The following TNRC6C variants were observed in gnomAD, a reference collection of about 807,000 sequenced individuals.
The protein encoded by TNRC6C is trinucleotide repeat-containing gene 6C protein.
Under a neutral mutation model 153.7 loss-of-function variants are expected in TNRC6C, and 20 were observed. That is an observed-to-expected ratio of 0.13 (90% CI 0.09 to 0.19). The LOEUF (loss-of-function observed/expected upper bound fraction) is 0.19, where lower values mean the gene tolerates loss of function less well. Among genes scored for constraint, TNRC6C ranks in the 10% least tolerant of loss-of-function variants. The pLI, the probability that TNRC6C is intolerant of heterozygous loss-of-function variation, is 1.00. For synonymous variants in TNRC6C, 811 were observed against 841.4 expected, an observed-to-expected ratio of 0.96 and a Z score of 0.63; for missense variants, 1,987 against 2,172.0, an observed-to-expected ratio of 0.91 and a Z score of 1.69.
intron 1 of TNRC6C, among the ~76,000 whole-genome samples, chr17:77,989,433 CAT>C (rs2071218415): frequency 6.6e-6 from 1 of 152,160 alleles, no homozygotes; most frequent in Non-Finnish European, 1.5e-5. Context: ...AAGCAACTGT[CAT>C]ATACATTCAG....
chr17:77,973,209 A>G lies in TNRC6C; in HGVS notation c.-38+13941A>G, dbSNP rs140529744. On this transcript the variant is annotated intron_variant, in intron 1 of 22. Coordinates refer to the TNRC6C transcript ENST00000636222. ...GCGTGAGCCACTACGCCTGGGCAAT[A>G]CACCATATTAATAGATGAAGAACAA... 1.3e-3 allele frequency among the ~76,000 whole-genome samples: 197 copies of G among 152,186 alleles called. 1 individual carries two copies. The highest frequency in any genetic ancestry group is 4.5e-3 in the African/African-American group (187 of 41,556).
At chr17:78,045,773 C>A (rs1018719871) in intron 2 of TNRC6C, among the ~76,000 whole-genome samples, 2 of 151,964 alleles carry the variant, frequency 1.3e-5, no homozygotes, top group Non-Finnish European at 1.5e-5. Context: ...ACTGCTCTGC[C>A]GCCTGATTTG....
chr17:77,971,869 A>T (rs1356975483), intron 1 of TNRC6C, among the ~76,000 whole-genome samples: 2 of 36,934 alleles, frequency 5.4e-5, no homozygotes, highest in Non-Finnish European at 9.1e-5. Context: ...AAGTGAGTTA[A>T]AAAAAAAAAA....
At chr17:78,090,692 T>C (rs552096458) in intron 13 of TNRC6C, among the ~76,000 whole-genome samples, 5 of 152,328 alleles carry the variant, frequency 3.3e-5, no homozygotes, top group African/African-American at 1.2e-4. Context: ...AATAACCAGG[T>C]ACCTGCTTTT....
At chr17:77,996,618 A>C (rs954105108) in intron 1 of TNRC6C, among the ~76,000 whole-genome samples, 1 of 152,218 alleles carries the variant, frequency 6.6e-6, no homozygotes, top group Admixed American at 6.5e-5. Context: ...CCTGAACTCA[A>C]GAGGGCATAC....
intron 1 of TNRC6C, among the ~76,000 whole-genome samples, chr17:77,983,859 AG>A (rs561340463): frequency 1.6e-4 from 24 of 152,186 alleles, no homozygotes; most frequent in Non-Finnish European, 3.2e-4. Context: ...CTGAATTTTA[AG>A]GAGTAATTAA....
chr17:77,976,889 A>G (rs2071005644), intron 1 of TNRC6C, among the ~76,000 whole-genome samples: 1 of 128,940 alleles, frequency 7.8e-6, no homozygotes, highest in Admixed American at 9.7e-5. Context: ...AGATTGCACC[A>G]TTGCACTCCA....
chr17:78,041,760 C>T lies in TNRC6C; in HGVS notation c.-218-7085C>T, dbSNP rs16970760. ...TATCCTGCCCCTGAAAACCAAGCAG[C>T]GAAGGATTTGTGGTATCAGTAAGCC... On this transcript the variant is annotated intron_variant, in intron 2 of 19. Transcript: ENST00000301624. Among the ~76,000 whole-genome samples, 1,319 of 152,244 alleles carry T rather than the reference C, an allele frequency of 8.7e-3. 18 individuals carry two copies. The highest frequency in any genetic ancestry group is 0.03 in the African/African-American group (1,250 of 41,530).
chr17:78,106,559 AAAAAAG>A (rs1341337204), exon 20 of TNRC6C: 2 of 151,704 alleles, frequency 1.3e-5, no homozygotes, highest in African/African-American at 4.8e-5. Flanking sequence ...AAAAAATGAA[AAAAAAG>A]AAAAAGAGGA....
At chr17:78,046,224 C>T (rs1189111711) in intron 2 of TNRC6C, among the ~76,000 whole-genome samples, 1 of 151,510 alleles carries the variant, frequency 6.6e-6, no homozygotes, top group African/African-American at 2.4e-5. Flanking sequence ...CTGTGTTGCC[C>T]AGGCTGGAGT....
In TNRC6C at chr17:78,009,804, C is replaced by T. The variant is rs1281765489; in HGVS notation, c.-546+4725C>T. 2.0e-5 allele frequency among the ~76,000 whole-genome samples: 3 copies of T among 152,296 alleles called. No homozygotes were observed. The East Asian group carries it at 5.8e-4, about 29-fold the overall frequency. ...TCCTGACCTCGTGATCTGCCCACTTCGGCCTCCCAAAGTGCTGGGATTACA... is the reference window on the plus strand; with the variant it reads ...TCCTGACCTCGTGATCTGCCCACTTTGGCCTCCCAAAGTGCTGGGATTACA... On this transcript the variant is annotated intron_variant, in intron 1 of 19. Coordinates refer to ENST00000301624, the Ensembl canonical transcript of TNRC6C.
chr17:78,059,734 G>A (rs769405294), intron 3 of TNRC6C, among the ~76,000 whole-genome samples: 4 of 151,286 alleles, frequency 2.6e-5, no homozygotes, highest in East Asian at 3.9e-4. Flanking sequence ...CTCTAGTCCC[G>A]GCTACTCAAG....
Position 77,998,769 on chromosome 17 carries a change from T to C in TNRC6C, c.-37-5401T>C, listed in dbSNP as rs149226049. Among the ~76,000 whole-genome samples, 164 of 152,406 alleles carry C rather than the reference T, an allele frequency of 1.1e-3. 1 individual carries two copies. Among genetic ancestry groups the C allele is most frequent in the African/African-American group, 3.8e-3 (157 of 41,602 alleles). On this transcript the variant is annotated intron_variant, in intron 1 of 22. Transcript: ENST00000636222. Reference sequence around the variant, plus strand: ...AAAACTTGGGTCATTTGGCCATTGATGTCTGTTGTCTTTCGCCCTGACAGT... The same window carrying C: ...AAAACTTGGGTCATTTGGCCATTGACGTCTGTTGTCTTTCGCCCTGACAGT...
At chr17:77,968,850 T>A (rs578158863) in intron 1 of TNRC6C, among the ~76,000 whole-genome samples, 1 of 152,346 alleles carries the variant, frequency 6.6e-6, no homozygotes, top group African/African-American at 2.4e-5. Flanking sequence ...CTCTTACTTT[T>A]TATTTGTCTT....
At chr17:78,031,483 GTT>G (rs2072073011) in intron 1 of TNRC6C, 31 bp from the exon 4 acceptor site, 6 of 1,231,188 alleles carry the variant, frequency 4.9e-6, no homozygotes, top group African/African-American at 4.7e-5. Flanking sequence ...TCTAGCTAAA[GTT>G]TTGGGTTCTT....
chr17:78,091,576 T>C (rs936590874), exon 14 of TNRC6C: 5 of 1,582,626 alleles, frequency 3.2e-6, no homozygotes, highest in East Asian at 4.7e-5. Context: ...CCAGTGCCGC[T>C]TCCCCCCTGG....
Position 77,977,283 on chromosome 17 carries a change from A to T in TNRC6C, c.-38+18015A>T, listed in dbSNP as rs138657123. Among the ~76,000 whole-genome samples, 11 of 152,282 alleles carry T rather than the reference A, an allele frequency of 7.2e-5. No individual in the cohort carries two copies. In the East Asian group the frequency reaches 2.1e-3, roughly 29 times the overall value. On this transcript the variant is annotated intron_variant, in intron 1 of 22. Coordinates refer to the TNRC6C transcript ENST00000636222. ...TTGAATAAATCTTCATATGTAGTAGATTTCTGTATTGACTTCTGCTGGTAT... is the reference window on the plus strand; with the variant it reads ...TTGAATAAATCTTCATATGTAGTAGTTTTCTGTATTGACTTCTGCTGGTAT...
chr17:77,970,665 G>A (rs998756208), intron 1 of TNRC6C, among the ~76,000 whole-genome samples: 1 of 152,138 alleles, frequency 6.6e-6, no homozygotes, highest in African/African-American at 2.4e-5. Flanking sequence ...TTGTGTGTGT[G>A]TGTGTGTATG....
intron 9 of TNRC6C, among the ~76,000 whole-genome samples, chr17:78,078,297 C>T (rs1351909321): frequency 6.6e-6 from 1 of 152,188 alleles, no homozygotes; most frequent in Non-Finnish European, 1.5e-5. Context: ...CCCAGTGCCT[C>T]TCAGGCGGCT....
Sources: gnomAD v4.1 joint callset for allele counts (sites outside exome capture counted in the v4.1 genomes callset) on GRCh38, gnomAD v4.1.1 for gene constraint, MANE v1.5 for transcripts, NCBI Gene and HGNC (gene_info 2026-07-23, HGNC 2026-07-21) for gene names.